The following CCDC73 variants were observed in gnomAD, a reference collection of about 807,000 sequenced individuals.
The protein encoded by CCDC73 is coiled-coil domain containing 73.
Under a neutral mutation model 116.5 loss-of-function variants are expected in CCDC73, and 95 were observed. The ratio of observed to expected loss-of-function variants is 0.82; its 90% CI spans 0.69 to 0.97. The LOEUF is 0.97. CCDC73 is among the 50% of genes least tolerant of loss of function. CCDC73 has a pLI of 0.00. For missense variants in CCDC73, 1,066 were observed against 1,206.8 expected, an observed-to-expected ratio of 0.88 and a Z score of 1.73; for synonymous variants, 398 against 401.3, an observed-to-expected ratio of 0.99 and a Z score of 0.10.
chr11:32,621,528 T>C (rs56986449), intron 14 of CCDC73, among the ~76,000 whole-genome samples: 1,526 of 152,208 alleles, frequency 0.01, 25 homozygotes, highest in African/African-American at 0.034. Flanking sequence ...TAATTCAAGA[T>C]AGATTAAATA....
intron 1 of CCDC73, among the ~76,000 whole-genome samples, chr11:32,790,565 T>C (rs1850665821): frequency 6.6e-6 from 1 of 152,196 alleles, no homozygotes; most frequent in South Asian, 2.1e-4. Flanking sequence ...CTATAAATTA[T>C]ATAAAATTAC....
upstream of CCDC73, among the ~76,000 whole-genome samples, chr11:32,799,443 T>G (rs1222243725): frequency 1.3e-5 from 2 of 151,968 alleles, no homozygotes; most frequent in Non-Finnish European, 2.9e-5. Context: ...TTTCCCAGCC[T>G]GGTCTCGAAC....
At chr11:32,828,001 CATAGAA>C in the CCDC73 span, among the ~76,000 whole-genome samples, 1 of 152,086 alleles carries the variant, frequency 6.6e-6, no homozygotes, top group Admixed American at 6.5e-5. Context: ...AAGAATCCAT[CATAGAA>C]ATAGTTTAGA....
chr11:32,697,899 C>T (rs112784346), intron 6 of CCDC73, among the ~76,000 whole-genome samples: 1,820 of 151,752 alleles, frequency 0.012, 36 homozygotes, highest in African/African-American at 0.042. Flanking sequence ...ATGATTTCAT[C>T]ACCCAGGTAA....
intron 9 of CCDC73, among the ~76,000 whole-genome samples, chr11:32,665,913 T>C (rs930489741): frequency 1.3e-5 from 2 of 152,216 alleles, no homozygotes; most frequent in African/African-American, 4.8e-5. Context: ...CTCCTTCACT[T>C]ATGAAGCTTA....
At chr11:32,753,104 G>C (rs991620330) in intron 2 of CCDC73, among the ~76,000 whole-genome samples, 2 of 152,056 alleles carry the variant, frequency 1.3e-5, no homozygotes, top group Non-Finnish European at 2.9e-5. Context: ...GAGCCACTGT[G>C]CCTGGCCAGT....
At chr11:32,686,510 A>G (rs1856203704) in intron 6 of CCDC73, among the ~76,000 whole-genome samples, 1 of 152,002 alleles carries the variant, frequency 6.6e-6, no homozygotes, top group African/African-American at 2.4e-5. Flanking sequence ...AGCAAAGGGA[A>G]ATGTTTTGAG....
chr11:32,768,680 T>C (rs910740845), intron 1 of CCDC73, among the ~76,000 whole-genome samples: 2 of 152,152 alleles, frequency 1.3e-5, no homozygotes, highest in Non-Finnish European at 2.9e-5. Flanking sequence ...TGAAAATTTA[T>C]TCTGGAAGAA....
chr11:32,618,231 G>A (rs977461826), intron 14 of CCDC73, among the ~76,000 whole-genome samples: 1 of 152,160 alleles, frequency 6.6e-6, no homozygotes, highest in Non-Finnish European at 1.5e-5. Context: ...TGGCTGTGTA[G>A]TATTCCATGG....
chr11:32,753,450 A>C (rs1269491141), intron 2 of CCDC73, among the ~76,000 whole-genome samples: 3 of 151,550 alleles, frequency 2.0e-5, no homozygotes, highest in African/African-American at 2.4e-5. Context: ...ATGCATCACC[A>C]CACCCAGCTA....
At chr11:32,710,086 GTC>G (rs1233011750) in intron 3 of CCDC73, among the ~76,000 whole-genome samples, 1 of 152,042 alleles carries the variant, frequency 6.6e-6, no homozygotes, top group Non-Finnish European at 1.5e-5. Context: ...TATTTGGATC[GTC>G]TCTCTTTTCT....
At chr11:32,743,391 G>A (rs567595045) in intron 2 of CCDC73, among the ~76,000 whole-genome samples, 2 of 151,968 alleles carry the variant, frequency 1.3e-5, no homozygotes, top group South Asian at 4.2e-4. Context: ...TTGTGTGTAG[G>A]TCCACACAAC....
chr11:32,791,828 C>T (rs560380862), intron 1 of CCDC73, among the ~76,000 whole-genome samples: 5 of 152,162 alleles, frequency 3.3e-5, no homozygotes, highest in South Asian at 2.1e-4. Flanking sequence ...TATCCAGTTG[C>T]GGTAGTGTGC....
intron 17 of CCDC73, chr11:32,603,700 A>T (rs1855307490): frequency 6.6e-6 from 1 of 152,164 alleles, no homozygotes. Flanking sequence ...GTTTATCCCT[A>T]CCAAAAATTA....
intron 2 of CCDC73, among the ~76,000 whole-genome samples, chr11:32,744,748 G>A (rs573404060): frequency 6.6e-5 from 10 of 152,096 alleles, no homozygotes; most frequent in Admixed American, 2.0e-4. Context: ...GGGATCAGTC[G>A]TCATATCCCC....
chr11:32,819,033 T>C, the CCDC73 span, among the ~76,000 whole-genome samples: 1 of 152,230 alleles, frequency 6.6e-6, no homozygotes, highest in Non-Finnish European at 1.5e-5. Context: ...GCCCTTGTGT[T>C]GTACCCTTTA....
chr11:32,708,685 G>A (rs762651745), intron 3 of CCDC73, among the ~76,000 whole-genome samples: 17 of 152,050 alleles, frequency 1.1e-4, no homozygotes, highest in African/African-American at 3.6e-4. Context: ...TGTAAAAGGG[G>A]TTGAGTTTTT....
In CCDC73 at chr11:32,718,091, T is replaced by A; in HGVS notation, c.192A>T (p.Glu64Asp). ...QIGKIIVETQ[E>D]LKWQKETLQN... ...TATTACTCACCTTTTGCCATTTAAG[T>A]TCCTGTGTCTCCACAATAATTTTAC... Residue 64 changes from glutamate (E) to aspartate (D), a missense_variant, in exon 3 of 18, where the codon GAA becomes GAT. Physicochemically the swap from Glu to Asp is conservative, Grantham distance 45. Transcript: ENST00000335185. 1 of 1,607,152 alleles carries A rather than the reference T, an allele frequency of 6.2e-7. No homozygotes were observed. Among genetic ancestry groups the A allele is most frequent in the South Asian group, 1.1e-5 (1 of 89,968 alleles).
chr11:32,753,267 T>A (rs1197161070), intron 2 of CCDC73, among the ~76,000 whole-genome samples: 1 of 151,608 alleles, frequency 6.6e-6, no homozygotes, highest in African/African-American at 2.4e-5. Flanking sequence ...AGAGTGTTTT[T>A]CTTTGCATTT....
Sources: gnomAD v4.1 joint callset for allele counts (sites outside exome capture counted in the v4.1 genomes callset) on GRCh38, gnomAD v4.1.1 for gene constraint, MANE v1.5 for transcripts, NCBI Gene and HGNC (gene_info 2026-07-23, HGNC 2026-07-21) for gene names.